The following OR6J1 variants were observed in gnomAD, a reference collection of about 807,000 sequenced individuals.
The protein encoded by OR6J1 is olfactory receptor 6J1.
For synonymous variants in OR6J1, 109 were observed against 70.0 expected (o/e 1.56, Z -2.78); for missense variants, 304 against 166.8 (o/e 1.82, Z -4.53).
intron 1 of OR6J1, among the ~76,000 whole-genome samples, chr14:22,640,149 G>A (rs1260582348): frequency 7.1e-6 from 1 of 141,792 alleles, no homozygotes; most frequent in Non-Finnish European, 1.5e-5. Context: ...ATATGCCCCA[G>A]GAGACAAACA....
At chr14:22,639,152 AGCCTCTCCGCCCG>A (rs1447409228) in intron 1 of OR6J1, among the ~76,000 whole-genome samples, 1 of 101,966 alleles carries the variant, frequency 9.8e-6, no homozygotes, top group African/African-American at 6.6e-5. Flanking sequence ...AGAAGTGAGG[AGCCTCTCCGCCCG>A]GCAGCCACCC....
Position 22,634,123 on chromosome 14 carries a change from G to T in OR6J1, c.689C>A (p.Ala230Glu). ...IILTIVRIPS[A>E]SGRKKAFNTC... ...ATTAAAGGCCTTCTTCCTTCCACTT[G>T]CAGAAGGAATGCGCACTATGGTCAA... The change falls in exon 2 of 2, where the codon GCA becomes GAA. Residue 230 changes from alanine to glutamate, a missense_variant. By Grantham distance (107) the Ala-to-Glu change is moderately radical. Transcript: ENST00000540461. 1.4e-6 allele frequency: 1 copy of T among 703,252 alleles called. No homozygotes were observed. Among genetic ancestry groups the T allele is most frequent in the African/African-American group, 1.7e-5 (1 of 57,348 alleles). The allele number at this position is 703,252 out of a possible 1,614,324, so 43.6% of individuals were successfully genotyped here.
intron 1 of OR6J1, among the ~76,000 whole-genome samples, chr14:22,641,216 A>AGAAAGAAAGAAG (rs2037643769): frequency 1.2e-3 from 25 of 21,160 alleles, no homozygotes; most frequent in African/African-American, 4.1e-3. Flanking sequence ...AAGATAAGAA[A>AGAAAGAAAGAAG]GAAAGAAAGA....
intron 1 of OR6J1, among the ~76,000 whole-genome samples, chr14:22,641,210 T>TGAAAGA (rs2037642989): frequency 8.2e-6 from 1 of 122,480 alleles, no homozygotes; most frequent in South Asian, 2.6e-4. Context: ...GAGAGAAAGA[T>TGAAAGA]AAGAAAGAAA....
In OR6J1 at chr14:22,633,645, A is replaced by C. The variant is rs2037562077; in HGVS notation, c.*123T>G. On this transcript the variant is annotated 3_prime_UTR_variant, in exon 2 of 2. Coordinates refer to ENST00000540461, the MANE Select transcript of OR6J1 (RefSeq NM_001348233.2). ...AATGGCTGGTGACACAGCTGCGGTC[A>C]CAGATTAAAGTGAAAACCAAGGCCA... The C allele has an allele frequency of 3.3e-6, 2 of 597,968 alleles. No homozygotes were observed. The highest frequency in any genetic ancestry group is 5.9e-6 in the Non-Finnish European group (2 of 337,944). 37.0% of individuals were successfully genotyped at this position (597,968 alleles called of 1,614,324 possible).
At chr14:22,640,240 TGGAA>T (rs1350507249) in intron 1 of OR6J1, among the ~76,000 whole-genome samples, 12 of 56,596 alleles carry the variant, frequency 2.1e-4, no homozygotes, top group African/African-American at 3.0e-4. Flanking sequence ...GAAGGAAGGA[TGGAA>T]GGAAGGAAGG....
chr14:22,638,435 A>G (rs1302820935), intron 1 of OR6J1, among the ~76,000 whole-genome samples: 2 of 80,144 alleles, frequency 2.5e-5, no homozygotes, highest in South Asian at 3.5e-4. Flanking sequence ...GTGCTTTGTT[A>G]AACAGATGCT....
chr14:22,638,662 AAT>A (rs1273321813), intron 1 of OR6J1, among the ~76,000 whole-genome samples: 3 of 39,474 alleles, frequency 7.6e-5, no homozygotes, highest in Non-Finnish European at 1.4e-4. Context: ...AAAAAATAAA[AAT>A]AAAAAAAAAA....
chr14:22,643,768 G>C (rs1047585684), intron 1 of OR6J1, among the ~76,000 whole-genome samples: 208 of 99,694 alleles, frequency 2.1e-3, no homozygotes, highest in African/African-American at 4.7e-3. Flanking sequence ...CACACACAGA[G>C]AGAGAGAGAG....
intron 1 of OR6J1, among the ~76,000 whole-genome samples, chr14:22,636,135 T>C (rs2139292201): frequency 6.6e-6 from 1 of 151,306 alleles, no homozygotes; most frequent in African/African-American, 2.4e-5. Context: ...CCAAACATGC[T>C]ACCTGAACTC....
intron 1 of OR6J1, among the ~76,000 whole-genome samples, chr14:22,637,094 G>GC (rs2037594256): frequency 6.0e-5 from 7 of 117,604 alleles, no homozygotes; most frequent in Non-Finnish European, 9.9e-5. Context: ...GAGCGCCTCT[G>GC]CTGGCCGCAA....
chr14:22,641,210 TAAGAAAGAAAGAAAGAAAGAAAGA>T lies in OR6J1; in HGVS notation c.-28+2864_-28+2887del, dbSNP rs992658481. 2.4e-4 allele frequency among the ~76,000 whole-genome samples: 29 copies of T among 122,588 alleles called. 2 individuals carry two copies. The highest frequency in any genetic ancestry group is 7.9e-4 in the South Asian group (3 of 3,778). 80.4% of individuals were successfully genotyped at this position (122,588 alleles called of 152,430 possible). The stretch of plus-strand genomic sequence containing the variant: ...AGAGAGACAGAGAGGGAGAGAAAGA[TAAGAAAGAAAGAAAGAAAGAAAGA>T]AAGAAAGAAAGAAAGAAAGAAAGAA... On this transcript the variant is annotated intron_variant, in intron 1 of 1. Coordinates refer to ENST00000540461, the MANE Select transcript of OR6J1 (RefSeq NM_001348233.2).
At chr14:22,634,866 AAG>A (rs1765573618) in intron 1 of OR6J1, 28 bp from the exon 2 acceptor site, 4 of 614,872 alleles carry the variant, frequency 6.5e-6, no homozygotes, top group African/African-American at 1.8e-5. Context: ...GATAACACTT[AAG>A]AGAGTGTTCA....
chr14:22,641,246 A>G (rs1274590521), intron 1 of OR6J1, among the ~76,000 whole-genome samples: 1 of 32,922 alleles, frequency 3.0e-5, no homozygotes, highest in Non-Finnish European at 6.9e-5. Flanking sequence ...AGAAAGAAAG[A>G]AAGAAAGAAA....
At chr14:22,638,799 A>G (rs1487078297) in intron 1 of OR6J1, among the ~76,000 whole-genome samples, 1 of 90,440 alleles carries the variant, frequency 1.1e-5, no homozygotes, top group Non-Finnish European at 2.4e-5. Flanking sequence ...CTGCTAGGTG[A>G]GGAGCCCCTC....
chr14:22,642,584 C>T (rs1009248329), intron 1 of OR6J1, among the ~76,000 whole-genome samples: 1 of 151,730 alleles, frequency 6.6e-6, no homozygotes, highest in Non-Finnish European at 1.5e-5. Flanking sequence ...ATGATCTTCC[C>T]GCCTTGACCT....
In OR6J1 at chr14:22,632,852, C is replaced by G. The variant is rs67207355; in HGVS notation, c.*916G>C. 0.23 allele frequency: 35,189 copies of G among 151,910 alleles called. 4,325 individuals carry two copies. The highest frequency in any genetic ancestry group is 0.32 in the African/African-American group (13,249 of 41,336). 9.4% of individuals were successfully genotyped at this position (151,910 alleles called of 1,614,324 possible). A position where few individuals can be genotyped will look rare whatever the true frequency, so the allele number is the denominator to read the frequency against. On this transcript the variant is annotated 3_prime_UTR_variant, in exon 2 of 2. Transcript: ENST00000540461. ...TTGTGTTGTGAGTGGGCTGTCATCT[C>G]TCTCTTCTCTGTTTTTCTCTATACA...
In OR6J1 at chr14:22,633,534, C is replaced by CATTCTTACA. The variant is rs2037561344; in HGVS notation, c.*225_*233dup. On this transcript the variant is annotated 3_prime_UTR_variant, in exon 2 of 2. Coordinates refer to ENST00000540461, the MANE Select transcript of OR6J1 (RefSeq NM_001348233.2). Reference sequence around the variant, plus strand: ...GAGGAAATAGGCTGCATGGCCCTTCCATTCTTACAATATTCAGTGTGGATG... The same window carrying CATTCTTACA: ...GAGGAAATAGGCTGCATGGCCCTTCCATTCTTACAATTCTTACAATATTCAGTGTGGATG... 2.1e-6 allele frequency: 1 copy of CATTCTTACA among 477,384 alleles called. No individual in the cohort carries two copies. Among genetic ancestry groups the CATTCTTACA allele is most frequent in the South Asian group, 4.0e-5 (1 of 24,938 alleles). The allele number at this position is 477,384 out of a possible 1,614,324, so 29.6% of individuals were successfully genotyped here.
chr14:22,633,972 C>T lies in OR6J1; in HGVS notation c.840G>A (p.Val280=). 1.4e-6 allele frequency: 1 copy of T among 702,862 alleles called. No homozygotes were observed. 43.5% of individuals were successfully genotyped at this position (702,862 alleles called of 1,614,324 possible). A position where few individuals can be genotyped will look rare whatever the true frequency, so the allele number is the denominator to read the frequency against. Residue 280 remains valine, a synonymous_variant, in exon 2 of 2, where the codon GTG becomes GTA. Coordinates refer to ENST00000540461, the MANE Select transcript of OR6J1 (RefSeq NM_001348233.2). The part of the protein sequence containing the change: ...NKIPLVLSSV[V]TPFLNPFIYT... ...ATATAAAGGGGTTGAGGAATGGAGT[C>T]ACCACACTGCTCAGAACCAAAGGGA... is the stretch of plus-strand genomic sequence containing the variant.
Sources: allele counts gnomAD v4.1 joint callset (sites outside exome capture counted in the v4.1 genomes callset), GRCh38; gene constraint gnomAD v4.1.1; transcripts MANE v1.5; gene names NCBI Gene and HGNC (gene_info 2026-07-23, HGNC 2026-07-21).